Variants in DHX30 observed in about 807,000 individuals in gnomAD.
DHX30 encodes DExH-box helicase 30, also known as ATP-dependent RNA helicase DHX30.
DHX30 carries 4 observed loss-of-function variants against 116.9 expected under a neutral mutation model. That is an observed-to-expected ratio of 0.03 (90% CI 0.02 to 0.08). The LOEUF is 0.08. Among genes scored for constraint, DHX30 ranks in the 10% least tolerant of loss-of-function variants. The pLI is 1.00. For missense variants in DHX30, 871 were observed against 1,595.1 expected, an observed-to-expected ratio of 0.55 and a Z score of 7.73; for synonymous variants, 697 against 651.7, an observed-to-expected ratio of 1.07 and a Z score of -1.06.
intron 4 of DHX30, among the ~76,000 whole-genome samples, chr3:47,820,907 T>TC (rs2036265525): frequency 2.1e-5 from 2 of 97,258 alleles, no homozygotes; most frequent in Admixed American, 1.0e-4. Flanking sequence ...AGGCTCTCTC[T>TC]TTTTTTTTTT....
chr3:47,846,220 T>A lies in DHX30; in HGVS notation c.1148T>A (p.Ile383Asn). 1.2e-6 allele frequency: 2 copies of A among 1,614,112 alleles called. No individual in the cohort carries two copies. Among genetic ancestry groups the A allele is most frequent in the Non-Finnish European group, 1.7e-6 (2 of 1,180,030 alleles). ...GAACTCCGGCTGCAGAGTGATGACA[T>A]CTTGCCCTTGGGCAAGGACTCAGGG... ...APELRLQSDD[I>N]LPLGKDSGPL... Residue 383 changes from isoleucine (I) to asparagine (N), a missense_variant, in exon 11 of 22, where the codon ATC becomes AAC. Ile to Asn is a moderately radical substitution (Grantham distance 149). Around this residue, in one of 13 missense-constraint regions of DHX30, gnomAD observed 175 missense variants for 292.9 expected, o/e 0.60. Transcript: ENST00000445061.
Position 47,849,968 on chromosome 3 carries a change from C to G in DHX30, c.3433C>G (p.Leu1145Val). The change falls in exon 22 of 22, where the codon CTG becomes GTG. Residue 1145 changes from leucine (L) to valine (V), a missense_variant. Physicochemically the swap from Leu to Val is conservative, Grantham distance 32. Transcript: ENST00000445061. The part of the protein sequence containing the change: ...VRLLKELRRA[L>V]GRMVERSLRS... ...GCTGCTGAAGGAGCTGCGGCGGGCC[C>G]TGGGCCGCATGGTGGAGCGGAGCCT... The G allele has an allele frequency of 6.2e-7, 1 of 1,612,870 alleles. No individual in the cohort carries two copies. Among genetic ancestry groups the G allele is most frequent in the Middle Eastern group, 1.7e-4 (1 of 6,060 alleles).
At chr3:47,839,651 A>G (rs1402156979) in intron 6 of DHX30, among the ~76,000 whole-genome samples, 2 of 151,540 alleles carry the variant, frequency 1.3e-5, no homozygotes, top group Non-Finnish European at 2.9e-5. Flanking sequence ...TATCCGTTTC[A>G]TGGTGTGGGC....
At chr3:47,819,085 T>G (rs1419100262) in intron 4 of DHX30, 1 of 562,622 alleles carries the variant, frequency 1.8e-6, no homozygotes, top group African/African-American at 2.0e-5. Flanking sequence ...GCTGCGGCCC[T>G]GACTACTGAC....
intron 5 of DHX30, 123 bp from the exon 6 acceptor site, chr3:47,828,901 C>A (rs2036674558): frequency 1.5e-6 from 1 of 667,522 alleles, no homozygotes; most frequent in Non-Finnish European, 2.8e-6. Flanking sequence ...CAACTCTGAA[C>A]CTAGCACATT....
intron 3 of DHX30, among the ~76,000 whole-genome samples, chr3:47,814,611 C>G (rs1490403042): frequency 6.6e-6 from 1 of 151,938 alleles, no homozygotes; most frequent in African/African-American, 2.4e-5. Flanking sequence ...AGCTCCACCT[C>G]CCAGATTCAT....
At chr3:47,832,404 CT>C (rs2036901712) in intron 6 of DHX30, among the ~76,000 whole-genome samples, 1 of 152,146 alleles carries the variant, frequency 6.6e-6, no homozygotes, top group African/African-American at 2.4e-5. Flanking sequence ...CTAGGCAGGT[CT>C]TGAACTCCAG....
intron 6 of DHX30, among the ~76,000 whole-genome samples, chr3:47,832,097 G>C (rs1315385094): frequency 1.4e-5 from 2 of 146,544 alleles, no homozygotes; most frequent in East Asian, 4.0e-4. Context: ...TTTTAATAGA[G>C]ACAGGGTCTT....
In DHX30 at chr3:47,849,573, G is replaced by T; in HGVS notation, c.3191+19G>T. On this transcript the variant is annotated intron_variant, in intron 20 of 21. Coordinates refer to ENST00000445061, the MANE Select transcript of DHX30 (RefSeq NM_138615.3). ...TTAACAGGTGAGGGCATGCAGGCCT[G>T]GATGGGGCAGCTGGGATGGTCCAAA... The T allele has an allele frequency of 6.2e-7, 1 of 1,613,762 alleles. No individual in the cohort carries two copies. The highest frequency in any genetic ancestry group is 8.5e-7 in the Non-Finnish European group (1 of 1,179,684).
chr3:47,822,899 C>T (rs1057077741), intron 4 of DHX30, among the ~76,000 whole-genome samples: 1 of 152,056 alleles, frequency 6.6e-6, no homozygotes, highest in Non-Finnish European at 1.5e-5. Context: ...CGAGACCATC[C>T]TGGCTAACAC....
At chr3:47,827,319 T>A in intron 4 of DHX30, 28 bp from the exon 5 acceptor site, 2 of 1,589,590 alleles carry the variant, frequency 1.3e-6, no homozygotes, top group Non-Finnish European at 1.7e-6. Flanking sequence ...AAAGAACAAC[T>A]GTAATGCTTT....
chr3:47,804,997 T>C (rs551379100), intron 1 of DHX30, among the ~76,000 whole-genome samples: 3 of 152,362 alleles, frequency 2.0e-5, no homozygotes, highest in African/African-American at 7.2e-5. Flanking sequence ...ATAATTATTA[T>C]GGGATTAGAA....
At position 47,803,979 on chromosome 3, in the gene DHX30, G is replaced by T. The variant is rs984986646; in HGVS notation, c.-123+767G>T. ...TTTGCCATACACTAGCAGGTAGACTGCAGAAGGCCACTTACAGGCTTTCAA... is the reference window on the plus strand; with the variant it reads ...TTTGCCATACACTAGCAGGTAGACTTCAGAAGGCCACTTACAGGCTTTCAA... On this transcript the variant is annotated intron_variant, in intron 1 of 21. Transcript: ENST00000445061. Among the ~76,000 whole-genome samples the T allele has an allele frequency of 7.2e-5, 11 of 152,302 alleles. No individual in the cohort carries two copies. The East Asian group carries it at 2.1e-3, about 29-fold the overall frequency.
intron 4 of DHX30, among the ~76,000 whole-genome samples, chr3:47,818,469 G>A (rs946273013): frequency 2.6e-5 from 4 of 152,150 alleles, no homozygotes; most frequent in African/African-American, 9.7e-5. Context: ...TCAGAGAGCA[G>A]GGTGCTTGTA....
intron 6 of DHX30, 70 bp from the exon 7 acceptor site, chr3:47,840,807 T>A: frequency 5.6e-6 from 9 of 1,595,450 alleles, no homozygotes; most frequent in Non-Finnish European, 7.7e-6. Flanking sequence ...ACGGTGTAGC[T>A]GGACACGGAC....
intron 4 of DHX30, chr3:47,825,027 C>A: frequency 1.6e-6 from 1 of 645,130 alleles, no homozygotes; most frequent in South Asian, 1.6e-5. Flanking sequence ...GCCTCGGGGT[C>A]GGCGGGAGCA....
intron 4 of DHX30, among the ~76,000 whole-genome samples, chr3:47,818,703 A>G (rs958743540): frequency 1.3e-5 from 2 of 152,102 alleles, no homozygotes; most frequent in African/African-American, 4.8e-5. Context: ...CCCTATCAGT[A>G]CCCAGGGATG....
intron 6 of DHX30, among the ~76,000 whole-genome samples, chr3:47,839,615 T>C (rs1051830620): frequency 6.6e-6 from 1 of 152,142 alleles, no homozygotes; most frequent in African/African-American, 2.4e-5. Context: ...TATATTCTTA[T>C]ATATAACTTC....
chr3:47,818,978 A>C (rs2036175593), intron 4 of DHX30, among the ~76,000 whole-genome samples: 1 of 152,146 alleles, frequency 6.6e-6, no homozygotes, highest in South Asian at 2.1e-4. Context: ...AGTGCTTTGA[A>C]GGTCAAGAGC....
Sources: allele counts gnomAD v4.1 joint callset (sites outside exome capture counted in the v4.1 genomes callset), GRCh38; gene constraint gnomAD v4.1.1; regional missense constraint gnomAD v4.1.1; transcripts MANE v1.5; gene names NCBI Gene and HGNC (gene_info 2026-07-23, HGNC 2026-07-21).